NRXN3: variants seen among roughly 807,000 people sequenced by gnomAD.
The protein encoded by NRXN3 is neurexin III.
NRXN3 carries 32 observed loss-of-function variants against 137.6 expected under a neutral mutation model. That is an observed-to-expected ratio of 0.23 (90% CI 0.18 to 0.31). The LOEUF (loss-of-function observed/expected upper bound fraction) is 0.31, where lower values mean the gene tolerates loss of function less well. Among genes scored for constraint, NRXN3 ranks in the 10% least tolerant of loss-of-function variants. NRXN3 has a pLI of 1.00. For missense variants in NRXN3, 1,574 were observed against 2,062.5 expected, an observed-to-expected ratio of 0.76 and a Z score of 4.59; for synonymous variants, 798 against 784.5, an observed-to-expected ratio of 1.02 and a Z score of -0.29.
At chr14:78,564,041 G>A (rs911986834) in intron 4 of NRXN3, among the ~76,000 whole-genome samples, 1 of 152,104 alleles carries the variant, frequency 6.6e-6, no homozygotes, top group Non-Finnish European at 1.5e-5. Flanking sequence ...TTTCAATTAG[G>A]TATTCCAAAT....
intron 8 of NRXN3, among the ~76,000 whole-genome samples, chr14:78,768,075 C>CAAA (rs79591478): frequency 4.9e-5 from 4 of 81,610 alleles, no homozygotes; most frequent in African/African-American, 1.3e-4. Flanking sequence ...ATGTGTTTAC[C>CAAA]AAAAAAAAAA....
At chr14:79,762,717 T>A (rs2099042844) in intron 19 of NRXN3, among the ~76,000 whole-genome samples, 1 of 151,598 alleles carries the variant, frequency 6.6e-6, no homozygotes, top group South Asian at 2.1e-4. Context: ...ATTGGTTTCG[T>A]GCGATGCCTG....
chr14:78,538,853 C>G (rs1218162513), intron 4 of NRXN3, among the ~76,000 whole-genome samples: 3 of 152,174 alleles, frequency 2.0e-5, no homozygotes, highest in Non-Finnish European at 4.4e-5. Flanking sequence ...AAGGCCTTTT[C>G]TGCATCTATT....
At chr14:78,796,351 G>A (rs1452778725) in intron 8 of NRXN3, among the ~76,000 whole-genome samples, 2 of 152,182 alleles carry the variant, frequency 1.3e-5, no homozygotes, top group African/African-American at 4.8e-5. Context: ...GCAACCAACT[G>A]GGCTGTAATG....
intron 10 of NRXN3, among the ~76,000 whole-genome samples, chr14:78,812,997 G>A (rs1357055407): frequency 6.6e-6 from 1 of 150,524 alleles, no homozygotes; most frequent in Non-Finnish European, 1.5e-5. Flanking sequence ...ACGTATCTAG[G>A]GTTATGTAGA....
chr14:79,838,811 CT>C (rs1412338734), intron 20 of NRXN3, among the ~76,000 whole-genome samples: 1 of 152,182 alleles, frequency 6.6e-6, no homozygotes, highest in Non-Finnish European at 1.5e-5. Flanking sequence ...GCCTTCTGGC[CT>C]GCCTGAGACT....
chr14:79,157,709 T>A (rs1476986876), intron 15 of NRXN3, among the ~76,000 whole-genome samples: 1 of 151,856 alleles, frequency 6.6e-6, no homozygotes, highest in East Asian at 1.9e-4. Flanking sequence ...AAATTCATAT[T>A]GATCACATCA....
chr14:79,556,976 A>G (rs752012282), intron 16 of NRXN3, among the ~76,000 whole-genome samples: 5 of 152,024 alleles, frequency 3.3e-5, no homozygotes, highest in Admixed American at 6.6e-5. Context: ...ACATTGGTTC[A>G]TGGAACTCAT....
intron 15 of NRXN3, 67 bp downstream of exon 15, chr14:78,988,208 G>C: frequency 6.3e-7 from 1 of 1,582,714 alleles, no homozygotes; most frequent in Non-Finnish European, 8.7e-7. Context: ...AATCTTAAAG[G>C]ACAATATGTA....
chr14:79,675,117 C>G (rs2154003420), intron 17 of NRXN3, among the ~76,000 whole-genome samples: 1 of 152,118 alleles, frequency 6.6e-6, no homozygotes, highest in Non-Finnish European at 1.5e-5. Context: ...TGTTGCACAG[C>G]TAGTAGGTGG....
intron 4 of NRXN3, among the ~76,000 whole-genome samples, chr14:78,381,641 G>A (rs2089146423): frequency 6.6e-6 from 1 of 152,090 alleles, no homozygotes; most frequent in Non-Finnish European, 1.5e-5. Flanking sequence ...AATGTCTATA[G>A]GAGATTATAT....
intron 15 of NRXN3, among the ~76,000 whole-genome samples, chr14:79,424,308 C>CCTTT (rs748599871): frequency 2.6e-5 from 4 of 152,082 alleles, no homozygotes; most frequent in Non-Finnish European, 5.9e-5. Flanking sequence ...CTACAAAGAG[C>CCTTT]TAAAAGGCTC....
chr14:78,785,860 G>A (rs938946353), intron 8 of NRXN3, among the ~76,000 whole-genome samples: 3 of 152,140 alleles, frequency 2.0e-5, no homozygotes, highest in East Asian at 1.9e-4. Context: ...CCTCACAGCC[G>A]TGGCTTATAC....
At chr14:79,651,121 T>C (rs147821364) in intron 16 of NRXN3, among the ~76,000 whole-genome samples, 1 of 152,256 alleles carries the variant, frequency 6.6e-6, no homozygotes, top group African/African-American at 2.4e-5. Context: ...TTGAGTCTAA[T>C]CCAAACACAG....
intron 15 of NRXN3, among the ~76,000 whole-genome samples, chr14:79,068,492 T>G (rs2099683523): frequency 6.6e-6 from 1 of 152,116 alleles, no homozygotes; most frequent in African/African-American, 2.4e-5. Context: ...ATTTATATCT[T>G]AATAAATGTA....
At chr14:79,724,705 T>C (rs1014766392) in intron 19 of NRXN3, among the ~76,000 whole-genome samples, 3 of 152,194 alleles carry the variant, frequency 2.0e-5, no homozygotes, top group African/African-American at 7.2e-5. Flanking sequence ...AATTTTGTTT[T>C]TGATTTCTGA....
At chr14:78,633,777 G>C (rs974894951) in intron 4 of NRXN3, among the ~76,000 whole-genome samples, 1 of 152,196 alleles carries the variant, frequency 6.6e-6, no homozygotes, top group Non-Finnish European at 1.5e-5. Flanking sequence ...AAAGCTTTAA[G>C]AGTACTGCAG....
At chr14:79,262,847 T>C (rs2077844208) in intron 15 of NRXN3, among the ~76,000 whole-genome samples, 1 of 152,130 alleles carries the variant, frequency 6.6e-6, no homozygotes, top group African/African-American at 2.4e-5. Flanking sequence ...GCAACACTGA[T>C]AGGTACAAAG....
intron 15 of NRXN3, among the ~76,000 whole-genome samples, chr14:78,999,622 G>C (rs2099537390): frequency 6.6e-6 from 1 of 152,118 alleles, no homozygotes; most frequent in South Asian, 2.1e-4. Context: ...GATAAAAAAT[G>C]AAAATGTCAA....
Sources: gnomAD v4.1 joint callset for allele counts (sites outside exome capture counted in the v4.1 genomes callset) on GRCh38, gnomAD v4.1.1 for gene constraint, MANE v1.5 for transcripts, NCBI Gene and HGNC (gene_info 2026-07-23, HGNC 2026-07-21) for gene names.